OXR1: variants seen among roughly 807,000 people sequenced by gnomAD.
OXR1 encodes the protein oxidation resistance protein 1.
In OXR1, 41 loss-of-function variants were observed where a neutral mutation model predicts 104.6. The ratio of observed to expected loss-of-function variants is 0.39; its 90% confidence interval spans 0.31 to 0.51. The LOEUF (loss-of-function observed/expected upper bound fraction) is 0.51. Among genes scored for constraint, OXR1 ranks in the 20% least tolerant of loss-of-function variants. The probability of loss-of-function intolerance (pLI) is 0.77; values close to 1 mark genes in which losing one functional copy is unlikely to be tolerated. For missense variants in OXR1, 955 were observed against 1,031.9 expected, an observed-to-expected ratio of 0.93 and a Z score of 1.02; for synonymous variants, 348 against 348.4, an observed-to-expected ratio of 1.00 and a Z score of 0.01.
At chr8:106,556,005 A>G (rs949105418) in intron 3 of OXR1, among the ~76,000 whole-genome samples, 2 of 150,626 alleles carry the variant, frequency 1.3e-5, no homozygotes, top group Admixed American at 6.7e-5. Context: ...GCTATGATGT[A>G]AATAAAACTT....
chr8:106,733,817 C>T (rs925153663), intron 11 of OXR1, among the ~76,000 whole-genome samples: 2 of 117,226 alleles, frequency 1.7e-5, no homozygotes, highest in Non-Finnish European at 3.4e-5. Flanking sequence ...CAGAGGGAGA[C>T]TCCGTCTCAA....
At chr8:106,482,672 T>G (rs1822206133) in intron 2 of OXR1, among the ~76,000 whole-genome samples, 1 of 152,080 alleles carries the variant, frequency 6.6e-6, no homozygotes, top group South Asian at 2.1e-4. Flanking sequence ...TATAGTTTGA[T>G]GAGCATCAGA....
intron 1 of OXR1, among the ~76,000 whole-genome samples, chr8:106,327,294 A>T (rs956895541): frequency 2.0e-5 from 3 of 152,192 alleles, no homozygotes; most frequent in African/African-American, 7.2e-5. Context: ...ACCAAGAAAA[A>T]GTTACTTTTT....
At chr8:106,451,461 T>C (rs1820310121) in intron 2 of OXR1, among the ~76,000 whole-genome samples, 1 of 152,202 alleles carries the variant, frequency 6.6e-6, no homozygotes, top group South Asian at 2.1e-4. Flanking sequence ...CTTTTAGCTT[T>C]GCCATTTTAA....
At position 106,519,075 on chromosome 8, in the gene OXR1, C is replaced by A; in HGVS notation, c.156C>A (p.Asn52Lys). Residue 52 changes from asparagine (N) to lysine (K), a missense_variant, in exon 3 of 17, where the codon AAC (asparagine) becomes AAA (lysine). Transcript: ENST00000517566. ...PKTPIIEEEQNNAANTQKHPS... is the reference protein window; with the variant it reads ...PKTPIIEEEQKNAANTQKHPS... ...CCCCCATCATTGAAGAAGAGCAGAACAATGCAGCAAATACTCAGAAACATC... is the reference window on the plus strand; with the variant it reads ...CCCCCATCATTGAAGAAGAGCAGAAAAATGCAGCAAATACTCAGAAACATC... The A allele has an allele frequency of 6.4e-7, 1 of 1,552,108 alleles. No homozygotes were observed. Among genetic ancestry groups the A allele is most frequent in the Non-Finnish European group, 8.7e-7 (1 of 1,147,012 alleles).
chr8:106,404,859 C>T (rs538861193), intron 2 of OXR1, among the ~76,000 whole-genome samples: 1 of 152,104 alleles, frequency 6.6e-6, no homozygotes, highest in South Asian at 2.1e-4. Context: ...GTTCCCACCA[C>T]CACGCTTGGC....
At chr8:106,284,462 G>A (rs1244416607) in intron 1 of OXR1, among the ~76,000 whole-genome samples, 1 of 152,068 alleles carries the variant, frequency 6.6e-6, no homozygotes. Flanking sequence ...TTGAAGCAGG[G>A]GGTGACATGA....
At chr8:106,314,553 T>G (rs1813847322) in intron 1 of OXR1, among the ~76,000 whole-genome samples, 1 of 152,336 alleles carries the variant, frequency 6.6e-6, no homozygotes, top group East Asian at 1.9e-4. Context: ...ACATTTAAAA[T>G]ATTTATGGAA....
chr8:106,575,008 C>T (rs1164856761), intron 3 of OXR1, among the ~76,000 whole-genome samples: 1 of 152,068 alleles, frequency 6.6e-6, no homozygotes. Context: ...CATAATTGGA[C>T]TCAGTTTTGC....
chr8:106,342,920 C>T (rs1250472879), intron 1 of OXR1, among the ~76,000 whole-genome samples: 2 of 152,204 alleles, frequency 1.3e-5, no homozygotes, highest in Admixed American at 6.5e-5. Flanking sequence ...AATCTATCAG[C>T]TTCTTCACTT....
chr8:106,393,675 G>A (rs904074425), intron 2 of OXR1, among the ~76,000 whole-genome samples: 37 of 152,048 alleles, frequency 2.4e-4, no homozygotes, highest in African/African-American at 8.7e-4. Flanking sequence ...GGATTGAAAG[G>A]TGCTATATTT....
intron 3 of OXR1, among the ~76,000 whole-genome samples, chr8:106,647,362 G>A (rs1293510065): frequency 1.3e-5 from 2 of 152,168 alleles, no homozygotes; most frequent in African/African-American, 4.8e-5. Flanking sequence ...TCAATGCTGT[G>A]ATCATGATTA....
chr8:106,502,347 T>A (rs1811867650), intron 2 of OXR1, among the ~76,000 whole-genome samples: 1 of 152,240 alleles, frequency 6.6e-6, no homozygotes, highest in African/African-American at 2.4e-5. Flanking sequence ...TATGAAAATC[T>A]GTTCGTCTGC....
chr8:106,285,429 A>G (rs185909369), intron 1 of OXR1, among the ~76,000 whole-genome samples: 4 of 152,120 alleles, frequency 2.6e-5, no homozygotes, highest in Non-Finnish European at 5.9e-5. Context: ...TATTATTCTC[A>G]TGGAAACTCA....
chr8:106,681,298 TA>T (rs1363776055), intron 4 of OXR1, among the ~76,000 whole-genome samples: 1 of 152,246 alleles, frequency 6.6e-6, no homozygotes, highest in Non-Finnish European at 1.5e-5. Context: ...ACATAGGTTT[TA>T]TATCAGTACA....
At chr8:106,404,846 C>T (rs1315159363) in intron 2 of OXR1, among the ~76,000 whole-genome samples, 1 of 151,986 alleles carries the variant, frequency 6.6e-6, no homozygotes, top group Admixed American at 6.6e-5. Flanking sequence ...GCTGGGACTA[C>T]AGGTTCCCAC....
intron 2 of OXR1, among the ~76,000 whole-genome samples, chr8:106,401,872 A>T (rs1336731955): frequency 1.3e-5 from 2 of 152,196 alleles, no homozygotes. Flanking sequence ...CCAGCATAAT[A>T]TCTTATGAAG....
chr8:106,336,901 A>G (rs1814990605), intron 1 of OXR1, among the ~76,000 whole-genome samples: 2 of 152,190 alleles, frequency 1.3e-5, no homozygotes, highest in Non-Finnish European at 2.9e-5. Context: ...AGTCATTTAG[A>G]TACTGAGCTA....
At chr8:106,464,381 G>A (rs73309264) in intron 2 of OXR1, among the ~76,000 whole-genome samples, 9,482 of 152,038 alleles carry the variant, frequency 0.062, 727 homozygotes, top group African/African-American at 0.18. Flanking sequence ...TTCCTAGACC[G>A]AAAATATTAA....
Sources: gnomAD v4.1 joint callset for allele counts (sites outside exome capture counted in the v4.1 genomes callset) on GRCh38, gnomAD v4.1.1 for gene constraint, MANE v1.5 for transcripts, NCBI Gene and HGNC (gene_info 2026-07-23, HGNC 2026-07-21) for gene names.